The following CHCHD3 variants were observed in gnomAD, a reference collection of about 807,000 sequenced individuals.
CHCHD3 encodes the protein coiled-coil-helix-coiled-coil-helix domain containing 3.
In CHCHD3, 20 loss-of-function variants were observed where a neutral mutation model predicts 38.2. That is an observed-to-expected ratio of 0.52 (90% CI 0.37 to 0.76). CHCHD3 has a LOEUF of 0.76. CHCHD3 is among the 30% of genes least tolerant of loss of function. CHCHD3 has a pLI of 0.00. For missense variants in CHCHD3, 245 were observed against 279.2 expected, an observed-to-expected ratio of 0.88 and a Z score of 0.87; for synonymous variants, 82 against 100.0, an observed-to-expected ratio of 0.82 and a Z score of 1.07.
intron 5 of CHCHD3, among the ~76,000 whole-genome samples, chr7:132,874,916 T>C (rs1376254192): frequency 6.6e-6 from 1 of 152,140 alleles, no homozygotes; most frequent in East Asian, 1.9e-4. Flanking sequence ...CTCTTCTCAT[T>C]GACCTATGCT....
intron 5 of CHCHD3, among the ~76,000 whole-genome samples, chr7:132,870,036 ATTCAATATAACAT>A (rs1434314146): frequency 3.3e-5 from 5 of 152,026 alleles, no homozygotes; most frequent in Non-Finnish European, 7.4e-5. Context: ...TTCTGGCAAA[ATTCAATATAACAT>A]TTCAATATAA....
At chr7:133,048,590 G>A (rs963948494) in intron 2 of CHCHD3, among the ~76,000 whole-genome samples, 2 of 151,964 alleles carry the variant, frequency 1.3e-5, no homozygotes, top group Admixed American at 6.6e-5. Context: ...TAAACAAAAG[G>A]GACCACCATT....
At chr7:132,918,704 C>T (rs1810181184) in intron 4 of CHCHD3, among the ~76,000 whole-genome samples, 1 of 152,188 alleles carries the variant, frequency 6.6e-6, no homozygotes, top group African/African-American at 2.4e-5. Flanking sequence ...CCTCCACAGT[C>T]CTCTTGCCTA....
At chr7:132,867,751 C>A (rs1034244724) in intron 5 of CHCHD3, among the ~76,000 whole-genome samples, 2 of 151,594 alleles carry the variant, frequency 1.3e-5, no homozygotes, top group Non-Finnish European at 2.9e-5. Context: ...AGACTTATAC[C>A]AATACCCTGT....
intron 4 of CHCHD3, among the ~76,000 whole-genome samples, chr7:132,904,417 A>C (rs1809745136): frequency 6.6e-6 from 1 of 152,246 alleles, no homozygotes; most frequent in Non-Finnish European, 1.5e-5. Context: ...ATTCTGACTC[A>C]CATTTTAAAG....
At chr7:132,839,487 ACT>A (rs1439127710) in intron 5 of CHCHD3, among the ~76,000 whole-genome samples, 5 of 152,136 alleles carry the variant, frequency 3.3e-5, no homozygotes, top group Non-Finnish European at 7.3e-5. Context: ...GAGCCCTAAG[ACT>A]CAATGAAATA....
rs544739824 is a variant in CHCHD3, at chr7:132,788,840, G to A, written c.661-3180C>T. 6.6e-6 allele frequency among the ~76,000 whole-genome samples: 1 copy of A among 152,320 alleles called. No individual in the cohort carries two copies. The highest frequency in any genetic ancestry group is 1.9e-4 in the East Asian group (1 of 5,176). Reference sequence around the variant, plus strand: ...GGGACCACCACAGAAAAGCACCAGGGCTGATCTATAAACATTTTGTCAAAC... The same window carrying A: ...GGGACCACCACAGAAAAGCACCAGGACTGATCTATAAACATTTTGTCAAAC... On this transcript the variant is annotated intron_variant, in intron 7 of 7. Transcript: ENST00000262570. The surrounding 1 kb of genome is among the most constrained non-coding windows in gnomAD (Gnocchi z 4.0).
intron 2 of CHCHD3, among the ~76,000 whole-genome samples, chr7:133,053,026 G>C (rs1296251222): frequency 6.6e-6 from 1 of 152,218 alleles, no homozygotes; most frequent in Non-Finnish European, 1.5e-5. Flanking sequence ...GCCCAAGAAA[G>C]ACTAGTGGCT....
intron 2 of CHCHD3, among the ~76,000 whole-genome samples, chr7:133,048,085 T>C (rs1246524167): frequency 6.6e-6 from 1 of 151,292 alleles, no homozygotes. Flanking sequence ...CGAAACTCTG[T>C]CTCAAAAACA....
chr7:133,075,943 C>A (rs1814976595), intron 1 of CHCHD3, among the ~76,000 whole-genome samples: 1 of 151,382 alleles, frequency 6.6e-6, no homozygotes, highest in Non-Finnish European at 1.5e-5. Flanking sequence ...CCTGTAGTCC[C>A]AGCTACTTGG....
At chr7:132,878,007 G>C (rs1361314039) in intron 5 of CHCHD3, among the ~76,000 whole-genome samples, 1 of 151,980 alleles carries the variant, frequency 6.6e-6, no homozygotes, top group Non-Finnish European at 1.5e-5. Context: ...CACGTCGCAG[G>C]GGGGAATATC....
intron 5 of CHCHD3, among the ~76,000 whole-genome samples, chr7:132,839,857 C>G (rs1396502367): frequency 6.6e-6 from 1 of 152,186 alleles, no homozygotes; most frequent in African/African-American, 2.4e-5. Context: ...TAGTCCCCTA[C>G]GATGCTAACA....
chr7:133,047,143 A>G (rs1323659343), intron 2 of CHCHD3, among the ~76,000 whole-genome samples: 1 of 152,226 alleles, frequency 6.6e-6, no homozygotes, highest in Non-Finnish European at 1.5e-5. Context: ...CAGATCATGG[A>G]AGCGATGCTA....
intron 6 of CHCHD3, among the ~76,000 whole-genome samples, chr7:132,800,058 TGGCTA>T (rs1806748968): frequency 6.6e-6 from 1 of 152,206 alleles, no homozygotes; most frequent in African/African-American, 2.4e-5. Flanking sequence ...AAACATTCTT[TGGCTA>T]ATGTTTAATG....
chr7:133,065,954 T>G (rs1270656332), intron 2 of CHCHD3, among the ~76,000 whole-genome samples: 1 of 152,154 alleles, frequency 6.6e-6, no homozygotes, highest in East Asian at 1.9e-4. Flanking sequence ...CTATGAGCCT[T>G]GTTGAGTCTT....
Position 133,035,280 on chromosome 7 carries a change from G to C in CHCHD3, c.170-10653C>G. 1 of 1,612,620 alleles carries C rather than the reference G, an allele frequency of 6.2e-7. No homozygotes were observed. Among genetic ancestry groups the C allele is most frequent in the Non-Finnish European group, 8.5e-7 (1 of 1,178,782 alleles). On this transcript the variant is annotated intron_variant, in intron 2 of 7. Coordinates refer to ENST00000262570, the MANE Select transcript of CHCHD3 (RefSeq NM_017812.4). The surrounding 1 kb of genome is among the most constrained non-coding windows in gnomAD (Gnocchi z 4.7). ...TGCAAACTTTTTAGCATCAAACTGG[G>C]CCATCTTCTCACACAGTTTCAGTTC...
At chr7:132,976,810 T>C (rs1338743994) in intron 3 of CHCHD3, among the ~76,000 whole-genome samples, 1 of 151,998 alleles carries the variant, frequency 6.6e-6, no homozygotes, top group African/African-American at 2.4e-5. Context: ...TGCTACATCA[T>C]CCTGATACTC....
intron 4 of CHCHD3, chr7:132,973,949 T>G (rs1043933040): frequency 7.8e-7 from 1 of 1,284,822 alleles, no homozygotes; most frequent in African/African-American, 1.5e-5. Flanking sequence ...GAGTAACATC[T>G]GGGTTTCTAG....
chr7:132,995,715 C>T (rs908135775), intron 3 of CHCHD3, among the ~76,000 whole-genome samples: 7 of 152,182 alleles, frequency 4.6e-5, no homozygotes, highest in Non-Finnish European at 1.0e-4. Context: ...ACATACAATT[C>T]CAACTCATCC....
Sources: allele counts gnomAD v4.1 joint callset (sites outside exome capture counted in the v4.1 genomes callset), GRCh38; gene constraint gnomAD v4.1.1; non-coding constraint Gnocchi (gnomAD v3.1); transcripts MANE v1.5; gene names NCBI Gene and HGNC (gene_info 2026-07-23, HGNC 2026-07-21).